The following TACC2 variants were observed in gnomAD, a reference collection of about 807,000 sequenced individuals.
TACC2 encodes the protein transforming acidic coiled-coil containing protein 2, also known as transforming acidic coiled-coil-containing protein 2.
In TACC2, 137 loss-of-function variants were observed where a neutral mutation model predicts 227.3. The observed-to-expected ratio is 0.60, with a 90% CI of 0.52 to 0.69. The LOEUF (loss-of-function observed/expected upper bound fraction) is 0.69. Among genes scored for constraint, TACC2 ranks in the 30% least tolerant of loss-of-function variants. TACC2 has a pLI of 0.00. For missense variants in TACC2, 3,470 were observed against 3,694.4 expected (o/e 0.94, Z 1.57); for synonymous variants, 1,523 against 1,487.5 (o/e 1.02, Z -0.55).
chr10:122,044,850 G>C (rs999449779), intron 2 of TACC2, among the ~76,000 whole-genome samples: 3 of 152,094 alleles, frequency 2.0e-5, no homozygotes, highest in East Asian at 1.9e-4. Context: ...ATGGCAGCGA[G>C]GGAAAGATTT....
At chr10:122,061,001 A>T (rs1001539141) in intron 3 of TACC2, among the ~76,000 whole-genome samples, 2 of 9,380 alleles carry the variant, frequency 2.1e-4, no homozygotes, top group East Asian at 2.4e-3. Context: ...ACTCCATCTC[A>T]AAAAAAAAAA....
rs569288346 is a variant in TACC2, at chr10:122,187,778, C to T, written c.5835-7262C>T. 2.4e-4 allele frequency among the ~76,000 whole-genome samples: 37 copies of T among 152,244 alleles called. No individual in the cohort carries two copies. The South Asian group carries it at 6.7e-3, about 27-fold the overall frequency. Reference sequence around the variant, plus strand: ...AAGTGCTGGGATTATAGGTGTGAGCCGCGGTGCCCAGCCCTTATTTCCCCA... The same window carrying T: ...AAGTGCTGGGATTATAGGTGTGAGCTGCGGTGCCCAGCCCTTATTTCCCCA... On this transcript the variant is annotated intron_variant, in intron 7 of 22. Coordinates refer to ENST00000369005, the MANE Select transcript of TACC2 (RefSeq NM_206862.4).
chr10:122,228,522 ATGGCCT>A (rs1370605819), intron 14 of TACC2, among the ~76,000 whole-genome samples: 1 of 152,192 alleles, frequency 6.6e-6, no homozygotes, highest in Non-Finnish European at 1.5e-5. Context: ...CACGTGTCAC[ATGGCCT>A]TGTGCATTCC....
At chr10:122,115,433 G>A (rs776282414) in intron 5 of TACC2, among the ~76,000 whole-genome samples, 10 of 152,184 alleles carry the variant, frequency 6.6e-5, no homozygotes, top group Non-Finnish European at 1.3e-4. Context: ...GACTAGGGAG[G>A]GAACTGCTAT....
At chr10:122,134,145 T>C (rs2089013608) in intron 6 of TACC2, among the ~76,000 whole-genome samples, 1 of 151,560 alleles carries the variant, frequency 6.6e-6, no homozygotes, top group Admixed American at 6.6e-5. Flanking sequence ...AGACGTTCCT[T>C]TTATAGGTGG....
chr10:122,008,249 A>ATTGTTG (rs35440160), intron 1 of TACC2, among the ~76,000 whole-genome samples: 2 of 124,272 alleles, frequency 1.6e-5, no homozygotes, highest in African/African-American at 6.2e-5. Flanking sequence ...TCCCTTTGTT[A>ATTGTTG]TTATTATTAT....
At chr10:122,034,389 C>T (rs139235574) in intron 2 of TACC2, among the ~76,000 whole-genome samples, 44 of 152,162 alleles carry the variant, frequency 2.9e-4, no homozygotes, top group African/African-American at 9.9e-4. Context: ...GAAGTAGGCT[C>T]GGAAGGATAA....
In TACC2 at chr10:122,224,796, G is replaced by A. The variant is rs757588017; in HGVS notation, c.7608+9G>A. 7.8e-5 allele frequency: 126 copies of A among 1,613,064 alleles called. 2 individuals carry two copies. The South Asian group carries it at 1.1e-3, about 14-fold the overall frequency. On this transcript the variant is annotated intron_variant, in intron 12 of 22. Transcript: ENST00000369005. ...TTGGCTCCTCCTTACCTGTAAGTTCGTCTGCCTCGGGCCACTTAGGGGACT... is the reference window on the plus strand; with the variant it reads ...TTGGCTCCTCCTTACCTGTAAGTTCATCTGCCTCGGGCCACTTAGGGGACT...
At chr10:122,153,142 T>C (rs1403592496) in intron 7 of TACC2, among the ~76,000 whole-genome samples, 4 of 151,912 alleles carry the variant, frequency 2.6e-5, no homozygotes, top group Non-Finnish European at 2.9e-5. Flanking sequence ...ATTACAGGCA[T>C]AGGTCACCAC....
chr10:122,166,532 A>G (rs2093171854), intron 7 of TACC2, among the ~76,000 whole-genome samples: 1 of 152,186 alleles, frequency 6.6e-6, no homozygotes, highest in African/African-American at 2.4e-5. Flanking sequence ...AATGGTGACC[A>G]GTCTCTTGCT....
At chr10:122,172,941 G>A (rs2093548454) in intron 7 of TACC2, among the ~76,000 whole-genome samples, 1 of 152,140 alleles carries the variant, frequency 6.6e-6, no homozygotes, top group South Asian at 2.1e-4. Flanking sequence ...GTGAGCAGGC[G>A]AAGGCTTGTG....
intron 1 of TACC2, among the ~76,000 whole-genome samples, chr10:122,014,520 G>A (rs2135400706): frequency 6.6e-6 from 1 of 152,164 alleles, no homozygotes; most frequent in East Asian, 1.9e-4. Flanking sequence ...CAAGACCTGT[G>A]TGATCTTGTC....
chr10:121,999,095 G>A (rs764836544), intron 1 of TACC2, among the ~76,000 whole-genome samples: 6 of 150,166 alleles, frequency 4.0e-5, no homozygotes, highest in African/African-American at 7.4e-5. Flanking sequence ...TGCAAGCTCC[G>A]CCTCCCAGGT....
chr10:122,041,594 A>C (rs1042580560), intron 2 of TACC2, among the ~76,000 whole-genome samples: 5 of 151,790 alleles, frequency 3.3e-5, no homozygotes, highest in Non-Finnish European at 4.4e-5. Context: ...TTACAGGTGC[A>C]CACCGCCATG....
intron 6 of TACC2, among the ~76,000 whole-genome samples, chr10:122,139,442 G>A (rs570449812): frequency 3.3e-5 from 5 of 152,294 alleles, no homozygotes; most frequent in African/African-American, 1.2e-4. Flanking sequence ...GCACCTCTCA[G>A]CACCTTCTGA....
intron 12 of TACC2, among the ~76,000 whole-genome samples, chr10:122,225,361 T>G (rs2095606386): frequency 6.6e-6 from 1 of 152,244 alleles, no homozygotes; most frequent in African/African-American, 2.4e-5. Context: ...GCTCTTTATC[T>G]TTCTTTGCAT....
intron 1 of TACC2, among the ~76,000 whole-genome samples, chr10:122,010,239 C>A (rs1955757042): frequency 6.6e-6 from 1 of 152,174 alleles, no homozygotes; most frequent in Non-Finnish European, 1.5e-5. Flanking sequence ...CCTTAACCCA[C>A]AATTCTTCAT....
intron 2 of TACC2, among the ~76,000 whole-genome samples, chr10:122,031,014 C>A (rs148929925): frequency 6.6e-6 from 1 of 152,126 alleles, no homozygotes; most frequent in Non-Finnish European, 1.5e-5. Flanking sequence ...GCCCTGACTC[C>A]ACCTACTTCC....
Position 122,043,053 on chromosome 10 carries a change from T to C in TACC2, c.34-7385T>C, listed in dbSNP as rs143823450. On this transcript the variant is annotated intron_variant, in intron 2 of 22. Transcript: ENST00000369005. ...CCACTGAGGTAGGGAAGGGCAGAGA[T>C]TGTGGTCCCCAGTTTATTGACGGAG... is the stretch of plus-strand genomic sequence containing the variant. Among the ~76,000 whole-genome samples the C allele has an allele frequency of 7.2e-3, 1,102 of 152,238 alleles. 5 individuals carry two copies. Among genetic ancestry groups the C allele is most frequent in the Middle Eastern group, 0.024 (7 of 294 alleles).
Sources: allele counts gnomAD v4.1 joint callset (sites outside exome capture counted in the v4.1 genomes callset), GRCh38; gene constraint gnomAD v4.1.1; transcripts MANE v1.5; gene names NCBI Gene and HGNC (gene_info 2026-07-23, HGNC 2026-07-21).